ANKRD6: variants seen among roughly 807,000 people sequenced by gnomAD.
ANKRD6 encodes the protein ankyrin repeat domain 6, also known as ankyrin repeat domain-containing protein 6.
A neutral mutation model predicts 82.3 loss-of-function variants in ANKRD6; 56 were observed. The ratio of observed to expected loss-of-function variants is 0.68; its 90% CI spans 0.55 to 0.85. ANKRD6 has a LOEUF of 0.85. Ranked by LOEUF, ANKRD6 falls within the 40% of genes least tolerant of loss-of-function variation. The pLI, the probability that ANKRD6 is intolerant of heterozygous loss-of-function variation, is 0.00. For synonymous variants in ANKRD6, 347 were observed against 352.1 expected (o/e 0.99, Z 0.16); for missense variants, 852 against 907.6 (o/e 0.94, Z 0.79).
chr6:89,467,798 ACTC>A (rs1323726735), intron 1 of ANKRD6, among the ~76,000 whole-genome samples: 4 of 151,854 alleles, frequency 2.6e-5, no homozygotes, highest in Non-Finnish European at 5.9e-5. Context: ...TACACATACA[ACTC>A]CTGCAGCTTC....
intron 1 of ANKRD6, among the ~76,000 whole-genome samples, chr6:89,459,101 G>A (rs775071333): frequency 1.4e-4 from 21 of 152,064 alleles, no homozygotes; most frequent in Non-Finnish European, 2.1e-4. Context: ...AAATTGAGAC[G>A]GAGTTTCACT....
At position 89,623,385 on chromosome 6, in the gene ANKRD6, G is replaced by A. The variant is rs149791982; in HGVS notation, c.898-25G>A. On this transcript the variant is annotated intron_variant, in intron 10 of 15. Transcript: ENST00000339746. The stretch of plus-strand genomic sequence containing the variant: ...AAGGCCAAGGAAGCAAACACAATGG[G>A]TCTCTGGGCTTTTTCCTTCTGTAGG... The A allele has an allele frequency of 3.6e-4, 573 of 1,602,572 alleles. 4 individuals are homozygous for A. The African/African-American group carries it at 6.8e-3, about 19-fold the overall frequency.
At chr6:89,622,491 C>T (rs766522498) in intron 10 of ANKRD6, among the ~76,000 whole-genome samples, 8 of 152,202 alleles carry the variant, frequency 5.3e-5, no homozygotes, top group Non-Finnish European at 1.0e-4. Context: ...AACAAGCCCT[C>T]CAGGGGATTC....
chr6:89,594,914 T>A (rs998217974), intron 2 of ANKRD6, among the ~76,000 whole-genome samples: 9 of 152,122 alleles, frequency 5.9e-5, no homozygotes, highest in African/African-American at 1.9e-4. Flanking sequence ...AGCTAATTTT[T>A]AAAAAAGAAA....
intron 7 of ANKRD6, among the ~76,000 whole-genome samples, chr6:89,615,429 C>T (rs756441395): frequency 6.6e-6 from 1 of 152,178 alleles, no homozygotes; most frequent in Non-Finnish European, 1.5e-5. Context: ...CTGCATAGCC[C>T]CCACCAACCA....
At chr6:89,472,338 A>T (rs1203862996) in intron 1 of ANKRD6, among the ~76,000 whole-genome samples, 1 of 152,194 alleles carries the variant, frequency 6.6e-6, no homozygotes, top group East Asian at 1.9e-4. Flanking sequence ...CCATAACAGC[A>T]ACCCGTTAAG....
intron 1 of ANKRD6, among the ~76,000 whole-genome samples, chr6:89,552,760 A>G (rs542116094): frequency 2.8e-4 from 43 of 152,150 alleles, no homozygotes; most frequent in Non-Finnish European, 4.9e-4. Flanking sequence ...TATCATTATT[A>G]TCCCCATTTT....
intron 1 of ANKRD6, among the ~76,000 whole-genome samples, chr6:89,468,989 G>T (rs1358991716): frequency 6.6e-6 from 1 of 151,956 alleles, no homozygotes; most frequent in Admixed American, 6.6e-5. Flanking sequence ...TTCTAATGAG[G>T]CACTAAAGCT....
In ANKRD6 at chr6:89,612,330, T is replaced by C. The variant is rs1800444360; in HGVS notation, c.476T>C (p.Val159Ala). 3 of 1,565,682 alleles carry C rather than the reference T, an allele frequency of 1.9e-6. No homozygotes were observed. Among genetic ancestry groups the C allele is most frequent in the Non-Finnish European group, 2.6e-6 (3 of 1,154,468 alleles). Residue 159 changes from valine to alanine, a missense_variant, in exon 6 of 16, where the codon GTC (valine) becomes GCC (alanine). Coordinates refer to ENST00000339746, the MANE Select transcript of ANKRD6 (RefSeq NM_001242809.2). ...AACAGCCACTCCCAGAGCACGCGCG[T>C]CCTCCTGCTGGCCGGGTCCCGCGCT... ...CQNSHSQSTR[V>A]LLLAGSRADL...
intron 1 of ANKRD6, among the ~76,000 whole-genome samples, chr6:89,506,933 G>T (rs538101081): frequency 6.6e-6 from 1 of 152,340 alleles, no homozygotes; most frequent in African/African-American, 2.4e-5. Flanking sequence ...TACTGCAGGG[G>T]CCTCTTCTTC....
chr6:89,538,165 A>G (rs1249535121), intron 1 of ANKRD6, among the ~76,000 whole-genome samples: 2 of 152,164 alleles, frequency 1.3e-5, no homozygotes, highest in Non-Finnish European at 1.5e-5. Context: ...TGGGATCCAA[A>G]GGTCATAGTC....
intron 1 of ANKRD6, among the ~76,000 whole-genome samples, chr6:89,549,991 G>A (rs1410664881): frequency 6.6e-6 from 1 of 152,114 alleles, no homozygotes; most frequent in Non-Finnish European, 1.5e-5. Flanking sequence ...AGCTACTCAG[G>A]AGGCTGAGGC....
intron 3 of ANKRD6, among the ~76,000 whole-genome samples, chr6:89,597,071 C>A (rs1361025636): frequency 1.3e-5 from 2 of 152,172 alleles, no homozygotes; most frequent in African/African-American, 4.8e-5. Context: ...TGTCATAAAA[C>A]TTGGCAAACA....
chr6:89,492,140 T>C (rs1269957162), intron 1 of ANKRD6, among the ~76,000 whole-genome samples: 2 of 152,242 alleles, frequency 1.3e-5, no homozygotes, highest in Non-Finnish European at 2.9e-5. Flanking sequence ...GAACCTAGCA[T>C]GGGTAAGGAA....
intron 3 of ANKRD6, chr6:89,598,060 T>C: frequency 1.0e-6 from 1 of 968,290 alleles, no homozygotes; most frequent in Middle Eastern, 5.3e-4. Context: ...GTTAATGATA[T>C]GAAGAATTTA....
chr6:89,576,233 G>A (rs1001249084), intron 2 of ANKRD6, among the ~76,000 whole-genome samples: 2 of 151,946 alleles, frequency 1.3e-5, no homozygotes, highest in Non-Finnish European at 2.9e-5. Context: ...TGTATTTTTA[G>A]TAGAGATGGG....
At chr6:89,512,935 T>C (rs1434462469) in intron 1 of ANKRD6, among the ~76,000 whole-genome samples, 1 of 152,196 alleles carries the variant, frequency 6.6e-6, no homozygotes, top group East Asian at 1.9e-4. Flanking sequence ...TTTCTCTCTT[T>C]TTTTTAAGAG....
intron 1 of ANKRD6, among the ~76,000 whole-genome samples, chr6:89,511,180 TCTTCCCAAATACACA>T (rs1393178828): frequency 2.0e-5 from 3 of 152,220 alleles, no homozygotes; most frequent in African/African-American, 7.2e-5. Context: ...CTCCGTAGAC[TCTTCCCAAATACACA>T]CTTTTCTCAG....
chr6:89,534,122 C>T (rs1211729768), intron 1 of ANKRD6, among the ~76,000 whole-genome samples: 1 of 152,168 alleles, frequency 6.6e-6, no homozygotes, highest in Non-Finnish European at 1.5e-5. Context: ...ATTAATAATG[C>T]AGCTAAATTT....
Sources: gnomAD v4.1 joint callset for allele counts (sites outside exome capture counted in the v4.1 genomes callset) on GRCh38, gnomAD v4.1.1 for gene constraint, MANE v1.5 for transcripts, NCBI Gene and HGNC (gene_info 2026-07-23, HGNC 2026-07-21) for gene names.